The following WWC1 variants were observed in gnomAD, a reference collection of about 807,000 sequenced individuals.
The protein encoded by WWC1 is protein KIBRA.
Under a neutral mutation model 138.4 loss-of-function variants are expected in WWC1, and 55 were observed. The ratio of observed to expected loss-of-function variants is 0.40; its 90% CI spans 0.32 to 0.50. The LOEUF is 0.50. Ranked by LOEUF, WWC1 falls within the 20% of genes least tolerant of loss-of-function variation. WWC1 has a pLI of 0.72. For synonymous variants in WWC1, 524 were observed against 564.9 expected (o/e 0.93, Z 1.03); for missense variants, 1,226 against 1,420.4 (o/e 0.86, Z 2.20).
chr5:168,465,479 A>T (rs1211805300), intron 21 of WWC1, among the ~76,000 whole-genome samples: 1 of 137,994 alleles, frequency 7.2e-6, no homozygotes, highest in African/African-American at 2.7e-5. Flanking sequence ...TAAGGGATTT[A>T]GGGGTTGATC....
At chr5:168,356,226 T>C (rs1203683178) in intron 1 of WWC1, among the ~76,000 whole-genome samples, 1 of 152,220 alleles carries the variant, frequency 6.6e-6, no homozygotes, top group Non-Finnish European at 1.5e-5. Flanking sequence ...GTGTTTATTG[T>C]AAGGCTTCAT....
rs111434968 is a variant in WWC1, at chr5:168,449,864, C to T, written c.2526-4104C>T. On this transcript the variant is annotated intron_variant, in intron 17 of 22. Transcript: ENST00000265293. The stretch of plus-strand genomic sequence containing the variant: ...TGCTGGGATTACAGGCATGAGCCAC[C>T]GCACCCGCCAACAGCTCTTTTATTT... Among the ~76,000 whole-genome samples, 403 of 152,242 alleles carry T rather than the reference C, an allele frequency of 2.6e-3. 4 individuals are homozygous for T. The highest frequency in any genetic ancestry group is 8.7e-3 in the African/African-American group (361 of 41,556).
chr5:168,304,492 C>T (rs556873566), intron 1 of WWC1, among the ~76,000 whole-genome samples: 8 of 152,204 alleles, frequency 5.3e-5, no homozygotes, highest in Non-Finnish European at 1.2e-4. Flanking sequence ...GGTCACGAGG[C>T]CCTCTAAGGT....
At chr5:168,421,924 C>A in intron 9 of WWC1, 84 bp from the exon 10 acceptor site, 2 of 1,158,480 alleles carry the variant, frequency 1.7e-6, no homozygotes, top group Non-Finnish European at 2.6e-6. Flanking sequence ...AGTTCTTGTG[C>A]CTGTGGGTCT....
At chr5:168,421,215 A>G (rs1781065467) in intron 9 of WWC1, among the ~76,000 whole-genome samples, 1 of 152,166 alleles carries the variant, frequency 6.6e-6, no homozygotes, top group Non-Finnish European at 1.5e-5. Flanking sequence ...GAAGACACAC[A>G]CACTTTTCTT....
intron 1 of WWC1, among the ~76,000 whole-genome samples, chr5:168,354,067 T>A (rs1040027635): frequency 1.3e-5 from 2 of 152,254 alleles, no homozygotes; most frequent in East Asian, 1.9e-4. Flanking sequence ...CTTTTTTTTT[T>A]TGAGATGGAA....
At chr5:168,353,981 A>G (rs148328059) in intron 1 of WWC1, among the ~76,000 whole-genome samples, 1 of 152,200 alleles carries the variant, frequency 6.6e-6, no homozygotes, top group African/African-American at 2.4e-5. Context: ...GGTGCTGGAC[A>G]TACAATAGCT....
intron 11 of WWC1, among the ~76,000 whole-genome samples, chr5:168,427,780 C>T (rs1332260782): frequency 1.3e-5 from 2 of 151,598 alleles, no homozygotes; most frequent in African/African-American, 4.9e-5. Context: ...ATGGCAAAAC[C>T]CCATCTCTAC....
In WWC1 at chr5:168,454,034, G is replaced by A. The variant is rs376255056; in HGVS notation, c.2592G>A (p.Glu864=). Residue 864 remains glutamate, a synonymous_variant, in exon 18 of 23, where the codon GAG becomes GAA. Transcript: ENST00000265293. ...AEEEEEEVEE[E]EGEEDVFTEK... ...AAGAGGAGGAGGAGGTGGAGGAGGA[G>A]GAGGGAGAAGAGGATGTTTTCACCG... 1.2e-6 allele frequency: 2 copies of A among 1,613,000 alleles called. No individual in the cohort carries two copies. The highest frequency in any genetic ancestry group is 2.2e-5 in the South Asian group (2 of 91,006).
chr5:168,374,808 G>A (rs776499617), intron 2 of WWC1, among the ~76,000 whole-genome samples: 2 of 152,218 alleles, frequency 1.3e-5, no homozygotes, highest in East Asian at 1.9e-4. Context: ...CAGTCCAGGC[G>A]CCCTAGACCT....
At chr5:168,422,227 A>C in intron 10 of WWC1, 130 bp downstream of exon 10, 1 of 879,154 alleles carries the variant, frequency 1.1e-6, no homozygotes, top group Non-Finnish European at 1.8e-6. Flanking sequence ...GAAGCATAGC[A>C]AATGGATTGT....
intron 3 of WWC1, among the ~76,000 whole-genome samples, chr5:168,388,829 CA>C (rs879533142): frequency 2.7e-4 from 37 of 135,792 alleles, no homozygotes; most frequent in Non-Finnish European, 3.8e-4. Flanking sequence ...GACTCCATCT[CA>C]AAAAAAAAAA....
intron 3 of WWC1, among the ~76,000 whole-genome samples, chr5:168,394,438 G>T (rs879660637): frequency 2.0e-5 from 3 of 152,208 alleles, no homozygotes; most frequent in Non-Finnish European, 4.4e-5. Context: ...TAAAGTTCTT[G>T]TAGCGGGGCC....
At chr5:168,418,150 C>G (rs1004475416) in intron 9 of WWC1, among the ~76,000 whole-genome samples, 1 of 152,162 alleles carries the variant, frequency 6.6e-6, no homozygotes, top group Non-Finnish European at 1.5e-5. Flanking sequence ...ATTCAAGGTG[C>G]CTTTGAGGAC....
At chr5:168,432,209 A>C (rs1561758379) in intron 15 of WWC1, among the ~76,000 whole-genome samples, 1 of 152,196 alleles carries the variant, frequency 6.6e-6, no homozygotes, top group African/African-American at 2.4e-5. Flanking sequence ...TAATGCCTCC[A>C]TCATGCCCAC....
At chr5:168,317,263 T>C (rs145579301) in intron 1 of WWC1, among the ~76,000 whole-genome samples, 151 of 152,318 alleles carry the variant, frequency 9.9e-4, no homozygotes, top group African/African-American at 3.5e-3. Context: ...TGATGTGACA[T>C]CACTCACCCT....
intron 1 of WWC1, among the ~76,000 whole-genome samples, chr5:168,308,653 C>A (rs1770793213): frequency 1.3e-5 from 2 of 152,270 alleles, no homozygotes; most frequent in African/African-American, 4.8e-5. Context: ...CAGTCAGAAT[C>A]TCTGGAGGTG....
At chr5:168,420,288 C>G (rs1045960645) in intron 9 of WWC1, among the ~76,000 whole-genome samples, 10 of 152,178 alleles carry the variant, frequency 6.6e-5, no homozygotes, top group Non-Finnish European at 1.5e-4. Flanking sequence ...TCTGAGGTCT[C>G]TTCCCTTGGC....
chr5:168,321,507 A>G (rs1772078576), intron 1 of WWC1, among the ~76,000 whole-genome samples: 1 of 146,444 alleles, frequency 6.8e-6, no homozygotes, highest in Non-Finnish European at 1.5e-5. Flanking sequence ...CAGGTTCAGT[A>G]TTTGCCTTCT....
Sources: gnomAD v4.1 joint callset for allele counts (sites outside exome capture counted in the v4.1 genomes callset) on GRCh38, gnomAD v4.1.1 for gene constraint, MANE v1.5 for transcripts, NCBI Gene and HGNC (gene_info 2026-07-23, HGNC 2026-07-21) for gene names.